Variants in NFYC observed in about 807,000 individuals in gnomAD.
NFYC encodes the protein nuclear transcription factor Y subunit gamma.
Under a neutral mutation model 53.1 loss-of-function variants are expected in NFYC, and 25 were observed. That is an observed-to-expected ratio of 0.47 (90% CI 0.34 to 0.66). NFYC has a LOEUF of 0.66. Among genes scored for constraint, NFYC ranks in the 30% least tolerant of loss-of-function variants. NFYC has a pLI of 0.01. For missense variants in NFYC, 260 were observed against 422.7 expected, an observed-to-expected ratio of 0.62 and a Z score of 3.38; for synonymous variants, 145 against 152.6, an observed-to-expected ratio of 0.95 and a Z score of 0.37.
intron 3 of NFYC, among the ~76,000 whole-genome samples, chr1:40,748,984 G>A (rs1410640374): frequency 6.6e-6 from 1 of 152,146 alleles, no homozygotes; most frequent in Non-Finnish European, 1.5e-5. Flanking sequence ...CTCACCAAAG[G>A]TTTAGAACCT....
At chr1:40,693,260 A>G (rs1018167659) in intron 1 of NFYC, among the ~76,000 whole-genome samples, 1 of 152,226 alleles carries the variant, frequency 6.6e-6, no homozygotes, top group African/African-American at 2.4e-5. Flanking sequence ...ATTCCAATCC[A>G]GAGTCGTTCC....
intron 1 of NFYC, among the ~76,000 whole-genome samples, chr1:40,729,565 A>G (rs1382568512): frequency 1.3e-5 from 2 of 152,040 alleles, no homozygotes; most frequent in Non-Finnish European, 2.9e-5. Flanking sequence ...TTGCTTTCTT[A>G]TTTGTGTGTT....
Position 40,760,295 on chromosome 1 carries a change from G to A in NFYC, c.561+2001G>A, listed in dbSNP as rs112547960. Among the ~76,000 whole-genome samples the A allele has an allele frequency of 6.1e-3, 922 of 152,298 alleles. 9 individuals are homozygous for A. Among genetic ancestry groups the A allele is most frequent in the African/African-American group, 0.021 (869 of 41,562 alleles). ...AAGTAATTATGATTTGGCCAGGTGC[G>A]GTGGCTCACACCTATAATCCCATCA... On this transcript the variant is annotated intron_variant, in intron 6 of 9. Transcript: ENST00000447388.
intron 1 of NFYC, among the ~76,000 whole-genome samples, chr1:40,700,748 A>G (rs1195182822): frequency 6.6e-6 from 1 of 152,230 alleles, no homozygotes; most frequent in Non-Finnish European, 1.5e-5. Context: ...AAACTAATAA[A>G]TGGACGTTAA....
At chr1:40,719,241 A>G (rs1443769290) in intron 1 of NFYC, among the ~76,000 whole-genome samples, 2 of 152,236 alleles carry the variant, frequency 1.3e-5, no homozygotes, top group Non-Finnish European at 2.9e-5. Flanking sequence ...ACCCCTAGTG[A>G]GGTGGAACAA....
chr1:40,710,197 C>G (rs191873846), intron 1 of NFYC, among the ~76,000 whole-genome samples: 13 of 152,304 alleles, frequency 8.5e-5, no homozygotes, highest in Non-Finnish European at 1.6e-4. Context: ...TTTTAATGCA[C>G]ATTTTAGCTT....
chr1:40,703,017 A>C (rs180974210), intron 1 of NFYC, among the ~76,000 whole-genome samples: 1 of 151,908 alleles, frequency 6.6e-6, no homozygotes, highest in Admixed American at 6.5e-5. Context: ...GGGTTTCCCC[A>C]TGTTGGCCAG....
chr1:40,727,079 C>T (rs1004422432), intron 1 of NFYC, among the ~76,000 whole-genome samples: 1 of 152,244 alleles, frequency 6.6e-6, no homozygotes, highest in Non-Finnish European at 1.5e-5. Flanking sequence ...ACCACATCTA[C>T]AGTTACTTCT....
chr1:40,761,948 C>A (rs575071953), intron 6 of NFYC, among the ~76,000 whole-genome samples: 22 of 152,064 alleles, frequency 1.4e-4, no homozygotes, highest in Middle Eastern at 3.4e-3. Context: ...TCACTACCAC[C>A]ACCAGATGAG....
chr1:40,710,982 A>G (rs1219207887), intron 1 of NFYC, among the ~76,000 whole-genome samples: 1 of 152,218 alleles, frequency 6.6e-6, no homozygotes, highest in Non-Finnish European at 1.5e-5. Context: ...AATATGTTAT[A>G]GATTCAGATT....
chr1:40,737,710 G>C (rs1211439312), intron 1 of NFYC, among the ~76,000 whole-genome samples: 1 of 152,070 alleles, frequency 6.6e-6, no homozygotes, highest in East Asian at 1.9e-4. Flanking sequence ...ACATGGTTAA[G>C]GTTAGGAAAG....
chr1:40,749,562 G>A lies in NFYC; in HGVS notation c.178-11G>A, dbSNP rs1294808338. 1 of 1,608,774 alleles carries A rather than the reference G, an allele frequency of 6.2e-7. No individual in the cohort carries two copies. The highest frequency in any genetic ancestry group is 8.5e-7 in the Non-Finnish European group (1 of 1,175,144). The stretch of plus-strand genomic sequence containing the variant: ...CTGGTGATTGACAGGGAGGGCCTGT[G>A]TCTGTTACAGATGATCAGTGCAGAA... On this transcript the variant is annotated splice_polypyrimidine_tract_variant and intron_variant, in intron 3 of 9. Coordinates refer to ENST00000447388, the MANE Select transcript of NFYC (RefSeq NM_014223.5).
At chr1:40,694,643 G>T (rs1418393422) in intron 1 of NFYC, among the ~76,000 whole-genome samples, 2 of 151,990 alleles carry the variant, frequency 1.3e-5, no homozygotes, top group Non-Finnish European at 2.9e-5. Flanking sequence ...GAGTGTATAT[G>T]TACACCTTTT....
chr1:40,700,547 T>A (rs1301068852), intron 1 of NFYC, among the ~76,000 whole-genome samples: 2 of 152,050 alleles, frequency 1.3e-5, no homozygotes, highest in Non-Finnish European at 2.9e-5. Context: ...GGTCTTGCTA[T>A]GTTGTCCAGG....
intron 1 of NFYC, among the ~76,000 whole-genome samples, chr1:40,724,680 C>T (rs1478233746): frequency 6.6e-6 from 1 of 152,218 alleles, no homozygotes; most frequent in East Asian, 1.9e-4. Context: ...TTCATGCCTT[C>T]CCGTCACTTT....
At chr1:40,730,957 G>T (rs959301269) in intron 1 of NFYC, among the ~76,000 whole-genome samples, 1 of 152,132 alleles carries the variant, frequency 6.6e-6, no homozygotes, top group South Asian at 2.1e-4. Flanking sequence ...TTTGAGCATT[G>T]TCCCCACGTC....
intron 1 of NFYC, chr1:40,723,616 T>C (rs1166488267): frequency 6.6e-6 from 1 of 152,204 alleles, no homozygotes; most frequent in East Asian, 1.9e-4. Context: ...ATAAAACACC[T>C]AACAGTGCTT....
At chr1:40,726,485 T>C (rs1443533925) in intron 1 of NFYC, among the ~76,000 whole-genome samples, 1 of 150,730 alleles carries the variant, frequency 6.6e-6, no homozygotes, top group Non-Finnish European at 1.5e-5. Context: ...TCTTGGCTGA[T>C]TGCAACCTCT....
intron 1 of NFYC, among the ~76,000 whole-genome samples, chr1:40,699,417 A>G (rs1032252194): frequency 6.6e-6 from 1 of 152,190 alleles, no homozygotes; most frequent in Non-Finnish European, 1.5e-5. Context: ...CTTTTAAAAG[A>G]GAAGAGAGAA....
Sources: allele counts gnomAD v4.1 joint callset (sites outside exome capture counted in the v4.1 genomes callset), GRCh38; gene constraint gnomAD v4.1.1; transcripts MANE v1.5; gene names NCBI Gene and HGNC (gene_info 2026-07-23, HGNC 2026-07-21).